Variants in ANO7 observed in about 807,000 individuals in gnomAD.
ANO7 encodes anoctamin-7.
ANO7 carries 114 observed loss-of-function variants against 115.8 expected under a neutral mutation model. The observed-to-expected ratio is 0.98, with a 90% CI of 0.85 to 1.15. The LOEUF is 1.15. Among genes scored for constraint, ANO7 ranks in the 50% most tolerant of loss-of-function variants. ANO7 has a pLI of 0.00. For missense variants in ANO7, 1,302 were observed against 1,201.2 expected (o/e 1.08, Z -1.24); for synonymous variants, 550 against 498.2 (o/e 1.10, Z -1.38).
intron 6 of ANO7, 73 bp from the exon 7 acceptor site, chr2:241,201,225 C>T (rs2068461974): frequency 4.7e-6 from 7 of 1,483,102 alleles, no homozygotes; most frequent in Non-Finnish European, 6.1e-6. Context: ...CCCGCAGCTT[C>T]CTCCAAACCT....
chr2:241,221,896 T>A (rs1468221199), intron 21 of ANO7, among the ~76,000 whole-genome samples: 1 of 152,032 alleles, frequency 6.6e-6, no homozygotes, highest in African/African-American at 2.4e-5. Flanking sequence ...GCCAGGCTAG[T>A]TTCGAACTCC....
intron 3 of ANO7, among the ~76,000 whole-genome samples, chr2:241,194,279 G>A (rs1313500795): frequency 6.9e-6 from 1 of 145,172 alleles, no homozygotes; most frequent in Non-Finnish European, 1.5e-5. Flanking sequence ...CTGCCTATGT[G>A]TCATAGGTAT....
the ANO7 span, chr2:241,240,183 G>A: frequency 6.6e-7 from 1 of 1,520,788 alleles, no homozygotes; most frequent in South Asian, 1.1e-5. The surrounding 1 kb of genome is among the most constrained non-coding windows in gnomAD (Gnocchi z 5.5). Flanking sequence ...CAGTGAGGAA[G>A]ACAAGAGGGT....
chr2:241,191,720 C>A (rs1202080043), intron 3 of ANO7, among the ~76,000 whole-genome samples: 1 of 137,032 alleles, frequency 7.3e-6, no homozygotes, highest in Non-Finnish European at 1.6e-5. Context: ...GCCCACCCTG[C>A]TGTCCCCTCA....
the ANO7 span, among the ~76,000 whole-genome samples, chr2:241,237,891 C>G: frequency 2.0e-5 from 3 of 152,192 alleles, no homozygotes; most frequent in African/African-American, 7.2e-5. Context: ...TCAAAACACC[C>G]TGTATTCTCA....
downstream of ANO7, chr2:241,230,161 C>G (rs1283414299): frequency 1.9e-6 from 3 of 1,612,480 alleles, no homozygotes; most frequent in African/African-American, 4.0e-5. This position sits in a 1 kb window ranked among gnomAD's most constrained non-coding sequence, Gnocchi z 5.0. Context: ...ACGTATTCCT[C>G]CTCCAGATTG....
chr2:241,209,239 G>T, intron 11 of ANO7, 46 bp from the exon 12 acceptor site: 8 of 1,524,088 alleles, frequency 5.2e-6, no homozygotes, highest in Non-Finnish European at 7.0e-6. Flanking sequence ...GGAACAAGGG[G>T]CCTCCAGTCC....
chr2:241,221,258 T>C (rs904411923), intron 21 of ANO7, among the ~76,000 whole-genome samples: 4 of 151,518 alleles, frequency 2.6e-5, no homozygotes, highest in Non-Finnish European at 5.9e-5. Flanking sequence ...GTATATTTAG[T>C]AGAGATGAGG....
downstream of ANO7, chr2:241,230,919 C>G: frequency 6.2e-7 from 1 of 1,613,842 alleles, no homozygotes; most frequent in Non-Finnish European, 8.5e-7. This position sits in a 1 kb window ranked among gnomAD's most constrained non-coding sequence, Gnocchi z 5.0. Flanking sequence ...CTTTTCGTAC[C>G]CTGTGATGGT....
At chr2:241,212,856 G>C in intron 17 of ANO7, 1 of 525,812 alleles carries the variant, frequency 1.9e-6, no homozygotes, top group Non-Finnish European at 3.4e-6. Flanking sequence ...CTCCAGGCCG[G>C]GCACAGTGGC....
At chr2:241,208,443 C>T (rs1272854447) in intron 11 of ANO7, among the ~76,000 whole-genome samples, 1 of 152,226 alleles carries the variant, frequency 6.6e-6, no homozygotes, top group Non-Finnish European at 1.5e-5. Context: ...CTCCACCTGG[C>T]CTTCCCTTCT....
chr2:241,199,401 T>C lies in ANO7; in HGVS notation c.395T>C (p.Leu132Pro). ...GTGCTCTGCTACTACGCCGAAGACC[T>C]GCGCCTGAAGCTGCCCTTGCAGGTA... is the stretch of plus-strand genomic sequence containing the variant. ...WAVLCYYAED[L>P]RLKLPLQELP... is the part of the protein sequence containing the mutation. The change falls in exon 5 of 25, where the codon CTG becomes CCG. Residue 132 changes from leucine (L) to proline (P), a missense_variant. Transcript: ENST00000674324. The C allele has an allele frequency of 6.2e-7, 1 of 1,613,824 alleles. No homozygotes were observed. The highest frequency in any genetic ancestry group is 8.5e-7 in the Non-Finnish European group (1 of 1,180,006).
At chr2:241,239,675 T>C in the ANO7 span, 2 of 1,614,198 alleles carry the variant, frequency 1.2e-6, no homozygotes, top group Admixed American at 1.7e-5. The surrounding 1 kb of genome is among the most constrained non-coding windows in gnomAD (Gnocchi z 4.6). Context: ...GAGGGTGACT[T>C]TGTCGCTCTG....
Position 241,203,566 on chromosome 2 carries a change from T to C in ANO7, c.889+68T>C. Reference sequence around the variant, plus strand: ...AGCTTGGTGTCAGGTTGTAACAATTTGCCAGTCCGTACCCCTGGAGGGCAG... The same window carrying C: ...AGCTTGGTGTCAGGTTGTAACAATTCGCCAGTCCGTACCCCTGGAGGGCAG... On this transcript the variant is annotated intron_variant, in intron 9 of 24. Coordinates refer to ENST00000674324, the MANE Select transcript of ANO7 (RefSeq NM_001370694.2). The surrounding 1 kb of genome is among the most constrained non-coding windows in gnomAD (Gnocchi z 4.8). 1 of 1,213,472 alleles carries C rather than the reference T, an allele frequency of 8.2e-7. No individual in the cohort carries two copies. Among genetic ancestry groups the C allele is most frequent in the Non-Finnish European group, 1.1e-6 (1 of 900,898 alleles). 75.2% of individuals were successfully genotyped at this position (1,213,472 alleles called of 1,614,324 possible). A position where few individuals can be genotyped will look rare whatever the true frequency, so the allele number is the denominator to read the frequency against.
intron 21 of ANO7, among the ~76,000 whole-genome samples, chr2:241,219,733 T>C (rs1195781309): frequency 1.9e-4 from 5 of 25,674 alleles, no homozygotes; most frequent in Middle Eastern, 0.014. Flanking sequence ...AGGCCTGGCT[T>C]TTTTTTTTTT....
chr2:241,197,224 C>T (rs557002061), intron 4 of ANO7, among the ~76,000 whole-genome samples: 6 of 152,212 alleles, frequency 3.9e-5, no homozygotes, highest in African/African-American at 1.2e-4. Context: ...CTCAGTTTCT[C>T]GAGTACCTGA....
intron 4 of ANO7, chr2:241,198,953 C>A (rs1011982863): frequency 9.2e-5 from 29 of 315,904 alleles, no homozygotes; most frequent in African/African-American, 5.5e-4. Context: ...ATGTTGAAAA[C>A]CAAAAGCTGG....
chr2:241,221,712 TTG>T (rs1157746440), intron 21 of ANO7, among the ~76,000 whole-genome samples: 1 of 151,462 alleles, frequency 6.6e-6, no homozygotes, highest in Non-Finnish European at 1.5e-5. Flanking sequence ...AGTTTTCCTC[TTG>T]TCGCCAAGGC....
Position 241,216,117 on chromosome 2 carries a change from G to A in ANO7, c.1851G>A (p.Lys617=), listed in dbSNP as rs774657363. 6.2e-7 allele frequency: 1 copy of A among 1,611,528 alleles called. No individual in the cohort carries two copies. Among genetic ancestry groups the A allele is most frequent in the Non-Finnish European group, 8.5e-7 (1 of 1,179,348 alleles). Residue 617 remains lysine (K), a synonymous_variant, in exon 19 of 25, where the codon AAG becomes AAA. Transcript: ENST00000674324. ...LIPKLKGWWQ[K]FRLRSKKRKA... ...GGAAGCTAAAGGGCTGGTGGCAGAA[G>A]TTCCGGCTTCGCTCCAAGAAGAGGA... is the stretch of plus-strand genomic sequence containing the variant.
Sources: allele counts gnomAD v4.1 joint callset (sites outside exome capture counted in the v4.1 genomes callset), GRCh38; gene constraint gnomAD v4.1.1; non-coding constraint Gnocchi (gnomAD v3.1); transcripts MANE v1.5; gene names NCBI Gene and HGNC (gene_info 2026-07-23, HGNC 2026-07-21).